The following PSMG2 variants were observed in gnomAD, a reference collection of about 807,000 sequenced individuals.
PSMG2 encodes proteasome assembly chaperone 2, also known as CD40 ligand-activated specific transcript 3.
Under a neutral mutation model 31.5 loss-of-function variants are expected in PSMG2, and 21 were observed. The ratio of observed to expected loss-of-function variants is 0.67; its 90% CI spans 0.47 to 0.96. PSMG2 has a LOEUF of 0.96. PSMG2 is among the 40% of genes least tolerant of loss of function. The probability of loss-of-function intolerance (pLI) is 0.00; values close to 1 mark genes in which losing one functional copy is unlikely to be tolerated. For synonymous variants in PSMG2, 120 were observed against 110.4 expected (o/e 1.09, Z -0.54); for missense variants, 318 against 321.2 (o/e 0.99, Z 0.08).
chr18:12,707,706 T>G (rs1426506626), intron 2 of PSMG2, among the ~76,000 whole-genome samples: 1 of 152,232 alleles, frequency 6.6e-6, no homozygotes, highest in Non-Finnish European at 1.5e-5. Flanking sequence ...CTTTGATGGC[T>G]AACTGTTCTG....
chr18:12,721,763 C>T (rs116912853), intron 5 of PSMG2, among the ~76,000 whole-genome samples: 2,287 of 150,894 alleles, frequency 0.015, 25 homozygotes, highest in South Asian at 0.061. Context: ...TATTTTTTTC[C>T]GCTAGCTTTG....
intron 1 of PSMG2, among the ~76,000 whole-genome samples, chr18:12,675,417 T>C (rs1057313421): frequency 6.6e-6 from 1 of 151,324 alleles, no homozygotes; most frequent in East Asian, 1.9e-4. Context: ...ATAAATAAAA[T>C]AAATAAAAAA....
At chr18:12,697,350 A>G in intron 1 of PSMG2, 1 of 1,613,760 alleles carries the variant, frequency 6.2e-7, no homozygotes, top group Non-Finnish European at 8.5e-7. Context: ...TTAGCACCAT[A>G]TGAATTGGAT....
intron 1 of PSMG2, among the ~76,000 whole-genome samples, chr18:12,672,375 C>CAA (rs1373106858): frequency 1.3e-5 from 2 of 152,256 alleles, no homozygotes; most frequent in East Asian, 3.9e-4. Context: ...CTCGGCCTCC[C>CAA]AAAGTGCTGG....
intron 1 of PSMG2, among the ~76,000 whole-genome samples, chr18:12,667,196 C>T (rs893227201): frequency 4.6e-5 from 7 of 152,130 alleles, no homozygotes; most frequent in African/African-American, 1.4e-4. Flanking sequence ...CATGGTGGCT[C>T]ACACCAGTAA....
intron 1 of PSMG2, among the ~76,000 whole-genome samples, chr18:12,680,075 GA>G (rs1008850564): frequency 6.8e-6 from 1 of 147,294 alleles, no homozygotes; most frequent in Non-Finnish European, 1.5e-5. Flanking sequence ...AGAGAAAACT[GA>G]AAAAAAAATA....
intron 1 of PSMG2, among the ~76,000 whole-genome samples, chr18:12,696,672 G>T (rs1037467504): frequency 2.0e-5 from 3 of 152,026 alleles, no homozygotes; most frequent in South Asian, 2.1e-4. Flanking sequence ...GTTACATAGC[G>T]GGCAGTGTGC....
intron 1 of PSMG2, among the ~76,000 whole-genome samples, chr18:12,673,747 G>A (rs915718080): frequency 3.3e-5 from 5 of 152,128 alleles, no homozygotes; most frequent in Non-Finnish European, 4.4e-5. Context: ...CGCGTGTGGT[G>A]GCGGGCGTCT....
In PSMG2 at chr18:12,665,624, T is replaced by A. The variant is rs1298548210; in HGVS notation, c.-37+6851T>A. ...GGAAGAAAAATTATTGACACTGAAA[T>A]TCATAAAAACATGACATCCCAGAGC... On this transcript the variant is annotated intron_variant, in intron 1 of 6. Coordinates refer to the PSMG2 transcript ENST00000585331. Among the ~76,000 whole-genome samples the A allele has an allele frequency of 3.9e-5, 6 of 152,290 alleles. No individual in the cohort carries two copies. The East Asian group carries it at 1.2e-3, about 29-fold the overall frequency.
In PSMG2 at chr18:12,718,515, A is replaced by G; in HGVS notation, c.289-2A>G. 1 of 1,587,154 alleles carries G rather than the reference A, an allele frequency of 6.3e-7. No individual in the cohort carries two copies. Among genetic ancestry groups the G allele is most frequent in the Non-Finnish European group, 8.6e-7 (1 of 1,162,360 alleles). On this transcript the variant is annotated splice_acceptor_variant, in intron 3 of 6. Coordinates refer to ENST00000317615, the MANE Select transcript of PSMG2 (RefSeq NM_020232.5). LOFTEE classifies it high-confidence loss of function. ...TTTTTATTCTCTCAATGGTGTGCAA[A>G]GTATAAATCAAAGCCATTCTGTGAA... is the stretch of plus-strand genomic sequence containing the variant.
intron 1 of PSMG2, among the ~76,000 whole-genome samples, chr18:12,660,776 A>C (rs1302127049): frequency 6.6e-6 from 1 of 152,178 alleles, no homozygotes; most frequent in Non-Finnish European, 1.5e-5. Flanking sequence ...ATTGCCAAGT[A>C]ACAATTCATG....
chr18:12,705,739 T>TC (rs1291144919), intron 1 of PSMG2, among the ~76,000 whole-genome samples: 1 of 152,170 alleles, frequency 6.6e-6, no homozygotes, highest in African/African-American at 2.4e-5. Flanking sequence ...CCTGGAATGT[T>TC]CTTTCCCAGA....
upstream of PSMG2, chr18:12,700,813 T>A: frequency 1.7e-6 from 1 of 588,982 alleles, no homozygotes; most frequent in Admixed American, 3.3e-5. Flanking sequence ...AGCTAGCCTA[T>A]ACTTGAAACA....
chr18:12,668,597 C>CAAAAAAAAAAAAAA (rs752216074), intron 1 of PSMG2, among the ~76,000 whole-genome samples: 26 of 72,830 alleles, frequency 3.6e-4, no homozygotes, highest in Non-Finnish European at 5.6e-4. Flanking sequence ...GATTCCATCT[C>CAAAAAAAAAAAAAA]AAAAAAAAAA....
At chr18:12,683,467 G>A (rs1325064017) in intron 1 of PSMG2, among the ~76,000 whole-genome samples, 2 of 151,738 alleles carry the variant, frequency 1.3e-5, no homozygotes, top group Admixed American at 6.6e-5. Flanking sequence ...ATTGACTCAA[G>A]GAAACTTAAA....
intron 3 of PSMG2, 107 bp from the exon 4 acceptor site, chr18:12,718,410 A>G: frequency 1.9e-6 from 1 of 538,396 alleles, no homozygotes; most frequent in Non-Finnish European, 3.1e-6. Flanking sequence ...GTATATATAA[A>G]TTATATATCA....
chr18:12,698,189 A>T (rs1364756083), upstream of PSMG2, among the ~76,000 whole-genome samples: 2 of 151,582 alleles, frequency 1.3e-5, no homozygotes, highest in African/African-American at 4.8e-5. Flanking sequence ...TATTTATAAA[A>T]ATTTATTAGA....
At chr18:12,688,099 G>C (rs577798680) in intron 1 of PSMG2, among the ~76,000 whole-genome samples, 32 of 151,720 alleles carry the variant, frequency 2.1e-4, no homozygotes, top group African/African-American at 6.8e-4. Context: ...AAAAAAATTA[G>C]CCAGGCATGT....
chr18:12,660,408 G>A (rs553706639), intron 1 of PSMG2, among the ~76,000 whole-genome samples: 21 of 150,098 alleles, frequency 1.4e-4, no homozygotes, highest in East Asian at 3.9e-4. Context: ...TGCAACTTCC[G>A]CCTCCTGGGT....
Sources: allele counts gnomAD v4.1 joint callset (sites outside exome capture counted in the v4.1 genomes callset), GRCh38; gene constraint gnomAD v4.1.1; transcripts MANE v1.5; gene names NCBI Gene and HGNC (gene_info 2026-07-23, HGNC 2026-07-21).